Variants in DDHD1 observed in about 807,000 individuals in gnomAD.
DDHD1 encodes the protein DDHD domain containing 1.
A neutral mutation model predicts 96.4 loss-of-function variants in DDHD1; 49 were observed. That is an observed-to-expected ratio of 0.51 (90% CI 0.40 to 0.64). The LOEUF (loss-of-function observed/expected upper bound fraction) is 0.64. DDHD1 is among the 30% of genes least tolerant of loss of function. The probability of loss-of-function intolerance (pLI) is 0.00; values close to 1 mark genes in which losing one functional copy is unlikely to be tolerated. For missense variants in DDHD1, 1,106 were observed against 1,161.2 expected, an observed-to-expected ratio of 0.95 and a Z score of 0.69; for synonymous variants, 442 against 446.5, an observed-to-expected ratio of 0.99 and a Z score of 0.13.
At chr14:53,054,412 C>T (rs773265533) in intron 11 of DDHD1, 26 bp downstream of exon 11, 17 of 1,603,766 alleles carry the variant, frequency 1.1e-5, no homozygotes, top group Middle Eastern at 3.3e-4. Flanking sequence ...ACAGTATCAA[C>T]TTAAGGAAAT....
intron 4 of DDHD1, among the ~76,000 whole-genome samples, chr14:53,083,034 GGAGA>G (rs1263776915): frequency 2.0e-5 from 3 of 152,040 alleles, no homozygotes; most frequent in Non-Finnish European, 4.4e-5. Context: ...GGGAAGACGG[GGAGA>G]GAAATGAGAA....
At chr14:53,110,302 T>G (rs1438996789) in intron 1 of DDHD1, among the ~76,000 whole-genome samples, 4 of 152,224 alleles carry the variant, frequency 2.6e-5, no homozygotes, top group Non-Finnish European at 5.9e-5. Context: ...GTTTCAACTC[T>G]ACAACACTCT....
At chr14:53,085,324 G>A (rs1432110588) in intron 4 of DDHD1, among the ~76,000 whole-genome samples, 1 of 152,186 alleles carries the variant, frequency 6.6e-6, no homozygotes, top group Non-Finnish European at 1.5e-5. Context: ...GCCTCCTCAA[G>A]TGGGTCCCTG....
chr14:53,074,281 T>C (rs10149601), intron 4 of DDHD1, among the ~76,000 whole-genome samples: 5,095 of 151,830 alleles, frequency 0.034, 292 homozygotes, highest in African/African-American at 0.11. Flanking sequence ...GACCCTTTTC[T>C]CCCTTTTGGT....
At chr14:53,110,673 A>G (rs920415964) in intron 1 of DDHD1, among the ~76,000 whole-genome samples, 1 of 152,200 alleles carries the variant, frequency 6.6e-6, no homozygotes, top group Non-Finnish European at 1.5e-5. Context: ...TGAGAACTCA[A>G]AAGATAAGAG....
intron 6 of DDHD1, among the ~76,000 whole-genome samples, chr14:53,070,832 C>G (rs1884447199): frequency 6.6e-6 from 1 of 152,082 alleles, no homozygotes; most frequent in East Asian, 1.9e-4. Flanking sequence ...AACATATACA[C>G]TGAATCCATT....
At chr14:53,138,052 C>G (rs1890364547) in intron 1 of DDHD1, among the ~76,000 whole-genome samples, 1 of 152,166 alleles carries the variant, frequency 6.6e-6, no homozygotes, top group East Asian at 1.9e-4. Context: ...CTATATCCAG[C>G]AAAATTATCT....
chr14:53,073,388 A>G (rs1291305119), intron 5 of DDHD1, among the ~76,000 whole-genome samples: 1 of 151,996 alleles, frequency 6.6e-6, no homozygotes, highest in Non-Finnish European at 1.5e-5. Flanking sequence ...GTATGGAATT[A>G]TGGAAAACAA....
At chr14:53,064,653 C>T (rs896682020) in intron 6 of DDHD1, among the ~76,000 whole-genome samples, 1 of 152,042 alleles carries the variant, frequency 6.6e-6, no homozygotes, top group Non-Finnish European at 1.5e-5. Context: ...TTCTGAAGAC[C>T]TTGATGATGT....
intron 1 of DDHD1, among the ~76,000 whole-genome samples, chr14:53,137,912 GA>G (rs1226666251): frequency 2.0e-5 from 3 of 151,554 alleles, no homozygotes; most frequent in South Asian, 2.1e-4. Context: ...AGCTGTCAGG[GA>G]AAAAAAAGCT....
At chr14:53,124,931 G>C (rs1889316117) in intron 1 of DDHD1, among the ~76,000 whole-genome samples, 1 of 152,114 alleles carries the variant, frequency 6.6e-6, no homozygotes, top group Non-Finnish European at 1.5e-5. Context: ...CTTGCAGATG[G>C]TCATCTTCTT....
At chr14:53,069,623 C>T (rs755839804) in intron 6 of DDHD1, among the ~76,000 whole-genome samples, 2 of 152,096 alleles carry the variant, frequency 1.3e-5, no homozygotes, top group Non-Finnish European at 2.9e-5. Context: ...TGGTCTGAAA[C>T]CAAATCTACA....
In DDHD1 at chr14:53,046,028, T is replaced by C. The variant is rs566144427; in HGVS notation, c.*740A>G. On this transcript the variant is annotated 3_prime_UTR_variant, in exon 13 of 13. Coordinates refer to ENST00000673822, the MANE Select transcript of DDHD1 (RefSeq NM_001160148.2). Reference sequence around the variant, plus strand: ...TTTAAAAAATTGAACTAGTGTTGTATGAAGCCATAAGTTTTTAATGAAAAA... The same window carrying C: ...TTTAAAAAATTGAACTAGTGTTGTACGAAGCCATAAGTTTTTAATGAAAAA... 15 of 152,206 alleles carry C rather than the reference T, an allele frequency of 9.9e-5. No individual in the cohort carries two copies. Among genetic ancestry groups the C allele is most frequent in the Non-Finnish European group, 2.1e-4 (14 of 68,024 alleles). 9.4% of individuals were successfully genotyped at this position (152,206 alleles called of 1,614,324 possible). A position where few individuals can be genotyped will look rare whatever the true frequency, so the allele number is the denominator to read the frequency against.
intron 1 of DDHD1, among the ~76,000 whole-genome samples, chr14:53,133,907 T>C (rs914316081): frequency 2.6e-5 from 4 of 152,146 alleles, no homozygotes; most frequent in African/African-American, 9.7e-5. Flanking sequence ...TAGTCATCTA[T>C]AGTACCCCAA....
At chr14:53,103,061 A>C in intron 2 of DDHD1, 1 of 1,565,204 alleles carries the variant, frequency 6.4e-7, no homozygotes, top group Non-Finnish European at 8.7e-7. Flanking sequence ...CCTGCAGTAA[A>C]TGGAACAATA....
At chr14:53,056,502 G>A (rs1461066909) in intron 9 of DDHD1, among the ~76,000 whole-genome samples, 2 of 152,088 alleles carry the variant, frequency 1.3e-5, no homozygotes, top group African/African-American at 4.8e-5. Flanking sequence ...TCGCCTTGGT[G>A]CCCAGGCTGG....
chr14:53,145,672 T>G (rs1362359536), intron 1 of DDHD1, among the ~76,000 whole-genome samples: 5 of 152,144 alleles, frequency 3.3e-5, no homozygotes, highest in Admixed American at 3.3e-4. Context: ...TAGTTAATAT[T>G]ACATTCTAGC....
chr14:53,117,891 C>T (rs988365432), intron 1 of DDHD1, among the ~76,000 whole-genome samples: 2 of 152,170 alleles, frequency 1.3e-5, no homozygotes, highest in African/African-American at 2.4e-5. Context: ...GACTGGGAAA[C>T]ACCTCCCAGT....
intron 1 of DDHD1, among the ~76,000 whole-genome samples, chr14:53,139,801 T>C (rs1297305156): frequency 9.7e-6 from 1 of 103,378 alleles, no homozygotes; most frequent in Non-Finnish European, 2.0e-5. Context: ...TTATAAGACA[T>C]ACAAAGAAGA....
Sources: allele counts gnomAD v4.1 joint callset (sites outside exome capture counted in the v4.1 genomes callset), GRCh38; gene constraint gnomAD v4.1.1; transcripts MANE v1.5; gene names NCBI Gene and HGNC (gene_info 2026-07-23, HGNC 2026-07-21).